Variants in YPEL2 observed in about 807,000 individuals in gnomAD.
The protein encoded by YPEL2 is yippee like 2.
YPEL2 carries 2 observed loss-of-function variants against 19.1 expected under a neutral mutation model. The ratio of observed to expected loss-of-function variants is 0.10; its 90% CI spans 0.04 to 0.33. The LOEUF (loss-of-function observed/expected upper bound fraction) is 0.33. Ranked by LOEUF, YPEL2 falls within the 10% of genes least tolerant of loss-of-function variation. YPEL2 has a pLI of 1.00. For synonymous variants in YPEL2, 52 were observed against 50.0 expected (o/e 1.04, Z -0.17); for missense variants, 66 against 140.7 (o/e 0.47, Z 2.68).
At chr17:59,337,125 A>G (rs540759085) in intron 1 of YPEL2, among the ~76,000 whole-genome samples, 2 of 151,322 alleles carry the variant, frequency 1.3e-5, no homozygotes, top group Non-Finnish European at 2.9e-5. Flanking sequence ...AAGGGTTTAT[A>G]TTGTTGAAGA....
At chr17:59,334,812 A>G (rs1307583849) in intron 1 of YPEL2, among the ~76,000 whole-genome samples, 1 of 152,224 alleles carries the variant, frequency 6.6e-6, no homozygotes, top group Non-Finnish European at 1.5e-5. Context: ...TAACTTTAAT[A>G]ATGTTCAGTT....
chr17:59,379,897 G>A (rs2047940208), intron 2 of YPEL2, among the ~76,000 whole-genome samples: 1 of 56,688 alleles, frequency 1.8e-5, no homozygotes, highest in African/African-American at 9.6e-5. Flanking sequence ...GTCTCACTCT[G>A]TCACCCAATC....
intron 1 of YPEL2, among the ~76,000 whole-genome samples, chr17:59,338,296 C>G (rs1189294736): frequency 6.6e-6 from 1 of 152,208 alleles, no homozygotes; most frequent in Non-Finnish European, 1.5e-5. Context: ...ACATGATCTT[C>G]TGGGTGTGAA....
chr17:59,370,309 C>G (rs989635567), intron 2 of YPEL2, among the ~76,000 whole-genome samples: 1 of 152,142 alleles, frequency 6.6e-6, no homozygotes, highest in African/African-American at 2.4e-5. Context: ...GTGATCCGCC[C>G]GCCTCGGCCT....
At chr17:59,376,981 A>G (rs560055246) in intron 2 of YPEL2, among the ~76,000 whole-genome samples, 58 of 151,004 alleles carry the variant, frequency 3.8e-4, no homozygotes, top group African/African-American at 1.3e-3. Context: ...AAAAACAAAG[A>G]AAAAGGAAAG....
In YPEL2 at chr17:59,378,054, A is replaced by G. The variant is rs138546693; in HGVS notation, c.118-10273A>G. 5.9e-5 allele frequency among the ~76,000 whole-genome samples: 9 copies of G among 152,218 alleles called. No homozygotes were observed. The East Asian group carries it at 1.5e-3, about 26-fold the overall frequency. ...TCGGAAGGATGAAGTGACTGGCCCA[A>G]GGTTTATACAGCTAGTGAGGGCTGG... On this transcript the variant is annotated intron_variant, in intron 2 of 4. Transcript: ENST00000312655.
intron 4 of YPEL2, among the ~76,000 whole-genome samples, chr17:59,394,915 C>T (rs761724693): frequency 2.6e-5 from 4 of 152,218 alleles, no homozygotes; most frequent in Admixed American, 6.5e-5. Flanking sequence ...AGCGAAACCC[C>T]GTCTCCACCA....
intron 2 of YPEL2, among the ~76,000 whole-genome samples, chr17:59,364,368 G>T (rs1046701345): frequency 1.3e-5 from 2 of 152,154 alleles, no homozygotes; most frequent in Non-Finnish European, 2.9e-5. Context: ...AGTGTCAAGC[G>T]CTGTGATCTT....
At chr17:59,366,374 A>G (rs892032605) in intron 2 of YPEL2, among the ~76,000 whole-genome samples, 1 of 152,176 alleles carries the variant, frequency 6.6e-6, no homozygotes, top group South Asian at 2.1e-4. Flanking sequence ...AGCAGCAACA[A>G]GGATCTCCTT....
At chr17:59,362,594 C>T (rs1034701228) in intron 2 of YPEL2, 1 of 152,124 alleles carries the variant, frequency 6.6e-6, no homozygotes, top group African/African-American at 2.4e-5. Context: ...AGCGATGAGG[C>T]GTACCCTGAA....
At chr17:59,354,464 GGA>G (rs2047802618) in intron 2 of YPEL2, 1 of 152,162 alleles carries the variant, frequency 6.6e-6, no homozygotes, top group Non-Finnish European at 1.5e-5. Flanking sequence ...AAGACCTGCT[GGA>G]AAAGGTGGCT....
At chr17:59,348,159 T>C (rs539225013) in intron 1 of YPEL2, among the ~76,000 whole-genome samples, 1 of 152,276 alleles carries the variant, frequency 6.6e-6, no homozygotes, top group South Asian at 2.1e-4. Context: ...CAGAACTGGT[T>C]TGTGTGAGTC....
At chr17:59,345,955 C>G (rs1567733233) in intron 1 of YPEL2, among the ~76,000 whole-genome samples, 1 of 152,128 alleles carries the variant, frequency 6.6e-6, no homozygotes, top group Non-Finnish European at 1.5e-5. Flanking sequence ...GAATCCAGGT[C>G]CACCCACCTC....
At chr17:59,340,421 ATT>A (rs915335264) in intron 1 of YPEL2, among the ~76,000 whole-genome samples, 3 of 108,086 alleles carry the variant, frequency 2.8e-5, no homozygotes, top group Non-Finnish European at 2.0e-5. Flanking sequence ...AACTTTATTT[ATT>A]TTTTTTTTTT....
At chr17:59,384,525 C>T (rs1383790059) in intron 2 of YPEL2, among the ~76,000 whole-genome samples, 2 of 152,262 alleles carry the variant, frequency 1.3e-5, no homozygotes, top group East Asian at 3.9e-4. Flanking sequence ...AAAAGAACAC[C>T]TTTGTCACCT....
chr17:59,364,559 A>G lies in YPEL2; in HGVS notation c.117+11033A>G, dbSNP rs560227119. ...AGCTCGTGGTATAACTCCGAGCCCA[A>G]CCACCTGGCTTATTCATTTAGTAGC... is the stretch of plus-strand genomic sequence containing the variant. On this transcript the variant is annotated intron_variant, in intron 2 of 4. Transcript: ENST00000312655. 1.6e-4 allele frequency among the ~76,000 whole-genome samples: 24 copies of G among 151,566 alleles called. No individual in the cohort carries two copies. The East Asian group carries it at 2.9e-3, about 18-fold the overall frequency.
chr17:59,377,215 A>G (rs2047926499), intron 2 of YPEL2, among the ~76,000 whole-genome samples: 1 of 152,156 alleles, frequency 6.6e-6, no homozygotes, highest in South Asian at 2.1e-4. Context: ...TGAAACATAA[A>G]TCAGGAAATT....
At chr17:59,347,730 G>A (rs1231131484) in intron 1 of YPEL2, among the ~76,000 whole-genome samples, 10 of 152,152 alleles carry the variant, frequency 6.6e-5, no homozygotes, top group Admixed American at 6.6e-4. Flanking sequence ...TAGATTTGGG[G>A]AGATGTCCCA....
At chr17:59,379,746 A>T (rs1408760411) in intron 2 of YPEL2, among the ~76,000 whole-genome samples, 5 of 151,828 alleles carry the variant, frequency 3.3e-5, no homozygotes, top group Non-Finnish European at 7.4e-5. Flanking sequence ...TATATCTCAC[A>T]CTCTTTTGTA....
Sources: gnomAD v4.1 joint callset for allele counts (sites outside exome capture counted in the v4.1 genomes callset) on GRCh38, gnomAD v4.1.1 for gene constraint, MANE v1.5 for transcripts, NCBI Gene and HGNC (gene_info 2026-07-23, HGNC 2026-07-21) for gene names.